The following TLE1 variants were observed in gnomAD, a reference collection of about 807,000 sequenced individuals.
TLE1 encodes TLE family member 1, transcriptional corepressor.
Under a neutral mutation model 89.8 loss-of-function variants are expected in TLE1, and 21 were observed. That is an observed-to-expected ratio of 0.23 (90% CI 0.17 to 0.34). The LOEUF is 0.34. Among genes scored for constraint, TLE1 ranks in the 10% least tolerant of loss-of-function variants. The pLI, the probability that TLE1 is intolerant of heterozygous loss-of-function variation, is 1.00. For synonymous variants in TLE1, 447 were observed against 407.6 expected (o/e 1.10, Z -1.16); for missense variants, 795 against 1,031.2 (o/e 0.77, Z 3.14).
chr9:81,689,116 G>A lies in TLE1; in HGVS notation c.-876C>T, dbSNP rs1055614464. ...CTGCACGGCCGGACCGGCCGCTCCG[G>A]ACCCTTCTTCCGAGCTCCTTCTTCC... On this transcript the variant is annotated 5_prime_UTR_variant, in exon 1 of 20. Coordinates refer to ENST00000376499, the MANE Select transcript of TLE1 (RefSeq NM_005077.5). The A allele has an allele frequency of 1.3e-5, 2 of 152,404 alleles. No homozygotes were observed. The highest frequency in any genetic ancestry group is 1.3e-4 in the Admixed American group (2 of 15,290). 9.4% of individuals were successfully genotyped at this position (152,404 alleles called of 1,614,324 possible).
intron 4 of TLE1, among the ~76,000 whole-genome samples, chr9:81,662,198 T>C (rs561414861): frequency 2.6e-4 from 40 of 152,262 alleles, no homozygotes; most frequent in Admixed American, 8.5e-4. Context: ...GCCCTCCTAA[T>C]AAATCAGTTG....
At chr9:81,659,058 G>A (rs1249523192) in intron 4 of TLE1, among the ~76,000 whole-genome samples, 3 of 152,026 alleles carry the variant, frequency 2.0e-5, no homozygotes, top group Admixed American at 6.6e-5. Flanking sequence ...ACAGGCACGC[G>A]CCACCACACC....
chr9:81,679,047 C>G (rs1833260942), intron 4 of TLE1, among the ~76,000 whole-genome samples: 1 of 152,172 alleles, frequency 6.6e-6, no homozygotes, highest in African/African-American at 2.4e-5. Flanking sequence ...ATTCCAGAGG[C>G]TGAGGCAGGA....
chr9:81,623,195 T>A (rs1825492354), intron 8 of TLE1, among the ~76,000 whole-genome samples: 1 of 152,164 alleles, frequency 6.6e-6, no homozygotes, highest in Admixed American at 6.5e-5. Flanking sequence ...ACTGCATTTC[T>A]TGAGGTGTTT....
intron 8 of TLE1, among the ~76,000 whole-genome samples, chr9:81,632,144 C>T (rs564458978): frequency 2.0e-5 from 3 of 151,394 alleles, no homozygotes; most frequent in African/African-American, 7.3e-5. Context: ...AATAAGGCTT[C>T]CTCCATAAAC....
At chr9:81,651,399 A>T (rs1215876069) in intron 6 of TLE1, among the ~76,000 whole-genome samples, 1 of 152,202 alleles carries the variant, frequency 6.6e-6, no homozygotes, top group Non-Finnish European at 1.5e-5. Flanking sequence ...AGATTCATTA[A>T]TGCAGAGCAA....
intron 6 of TLE1, among the ~76,000 whole-genome samples, chr9:81,645,051 T>C (rs1828672406): frequency 7.4e-6 from 1 of 135,342 alleles, no homozygotes; most frequent in African/African-American, 2.7e-5. Context: ...ATATATCATA[T>C]CTCAATTTTA....
intron 4 of TLE1, among the ~76,000 whole-genome samples, chr9:81,654,542 C>T (rs1017141530): frequency 2.0e-5 from 3 of 152,128 alleles, no homozygotes; most frequent in Admixed American, 1.3e-4. Context: ...GGGGTTTCAC[C>T]GTGTTAGCCA....
intron 14 of TLE1, among the ~76,000 whole-genome samples, chr9:81,608,681 A>T: frequency 6.6e-6 from 1 of 152,186 alleles, no homozygotes; most frequent in East Asian, 1.9e-4. Context: ...TCACGCCTGT[A>T]ATCGCAACAC....
At chr9:81,657,002 T>C (rs1264409760) in intron 4 of TLE1, among the ~76,000 whole-genome samples, 1 of 152,232 alleles carries the variant, frequency 6.6e-6, no homozygotes, top group East Asian at 1.9e-4. Flanking sequence ...CCAGTGTCAA[T>C]ATTGAGTTTT....
intron 6 of TLE1, among the ~76,000 whole-genome samples, chr9:81,649,327 T>C (rs1490115598): frequency 2.6e-5 from 4 of 152,060 alleles, no homozygotes; most frequent in African/African-American, 4.8e-5. Flanking sequence ...ACAGAAAAAA[T>C]ACAACCTCTC....
intron 8 of TLE1, among the ~76,000 whole-genome samples, chr9:81,626,349 C>G (rs145936635): frequency 6.7e-6 from 1 of 150,018 alleles, no homozygotes; most frequent in African/African-American, 2.5e-5. Context: ...AACGACGCAC[C>G]CCATCACATC....
In TLE1 at chr9:81,689,268, T is replaced by C. The variant is rs1413941904; in HGVS notation, c.-1028A>G. On this transcript the variant is annotated 5_prime_UTR_variant, in exon 1 of 20. Transcript: ENST00000376499. ...GAGATGGTGGGGAAAACAGCAGGAGTGCGCTCCGCCAATCGGCCACCCTCC... is the reference window on the plus strand; with the variant it reads ...GAGATGGTGGGGAAAACAGCAGGAGCGCGCTCCGCCAATCGGCCACCCTCC... 2 of 151,636 alleles carry C rather than the reference T, an allele frequency of 1.3e-5. No homozygotes were observed. Among genetic ancestry groups the C allele is most frequent in the Admixed American group, 6.6e-5 (1 of 15,230 alleles). 9.4% of individuals were successfully genotyped at this position (151,636 alleles called of 1,614,324 possible). A position where few individuals can be genotyped will look rare whatever the true frequency, so the allele number is the denominator to read the frequency against.
chr9:81,620,860 G>A (rs1825149652), intron 8 of TLE1: 1 of 831,624 alleles, frequency 1.2e-6, no homozygotes, highest in Admixed American at 2.2e-5. Flanking sequence ...GTATGTGGAT[G>A]TGTTTTTATT....
chr9:81,685,759 A>G, intron 3 of TLE1, 39 bp from the exon 4 acceptor site: 1 of 1,612,218 alleles, frequency 6.2e-7, no homozygotes, highest in Non-Finnish European at 8.5e-7. Flanking sequence ...TCATTAACTC[A>G]TGTTTTTTAC....
chr9:81,643,929 T>C (rs1384504917), intron 6 of TLE1, among the ~76,000 whole-genome samples: 4 of 152,174 alleles, frequency 2.6e-5, no homozygotes. Flanking sequence ...TGGAAGGCCA[T>C]TAAGGCTATG....
At chr9:81,688,113 C>T (rs1021392219) in intron 1 of TLE1, 104 bp downstream of exon 1, 4 of 1,452,098 alleles carry the variant, frequency 2.8e-6, no homozygotes, top group Non-Finnish European at 3.8e-6. Flanking sequence ...CCGCTGAGGG[C>T]GAGAAGGTCC....
intron 14 of TLE1, among the ~76,000 whole-genome samples, chr9:81,600,295 A>G (rs1212321277): frequency 6.6e-6 from 1 of 152,196 alleles, no homozygotes; most frequent in Non-Finnish European, 1.5e-5. Flanking sequence ...TATCCCATAA[A>G]CCAAAAGTCA....
chr9:81,675,585 G>A (rs888469622), intron 4 of TLE1, among the ~76,000 whole-genome samples: 1 of 151,818 alleles, frequency 6.6e-6, no homozygotes, highest in African/African-American at 2.4e-5. Flanking sequence ...AACTCTCAGT[G>A]GTTACTGACT....
Sources: allele counts gnomAD v4.1 joint callset (sites outside exome capture counted in the v4.1 genomes callset), GRCh38; gene constraint gnomAD v4.1.1; transcripts MANE v1.5; gene names NCBI Gene and HGNC (gene_info 2026-07-23, HGNC 2026-07-21).